WDFY2: variants seen among roughly 807,000 people sequenced by gnomAD.
WDFY2 encodes WD repeat and FYVE domain containing 2, also known as WD repeat and FYVE domain-containing protein 2.
In WDFY2, 36 loss-of-function variants were observed where a neutral mutation model predicts 56.4. The observed-to-expected ratio is 0.64, with a 90% CI of 0.49 to 0.84. The LOEUF (loss-of-function observed/expected upper bound fraction) is 0.84. WDFY2 is among the 40% of genes least tolerant of loss of function. The pLI is 0.00. For synonymous variants in WDFY2, 176 were observed against 183.7 expected, an observed-to-expected ratio of 0.96 and a Z score of 0.34; for missense variants, 444 against 512.2, an observed-to-expected ratio of 0.87 and a Z score of 1.29.
rs1314400498 is a variant in WDFY2, at chr13:51,689,431, CTT to C, written c.280-14163_280-14162del. ...AGAATTTGTAAACCTGAATTTGTCT[CTT>C]TGTAGGTGATATATGGAATCTGGAG... On this transcript the variant is annotated intron_variant, in intron 3 of 11. Coordinates refer to ENST00000298125, the MANE Select transcript of WDFY2 (RefSeq NM_052950.4). Among the ~76,000 whole-genome samples, 4 of 152,132 alleles carry C rather than the reference CTT, an allele frequency of 2.6e-5. No homozygotes were observed. The East Asian group carries it at 7.7e-4, about 29-fold the overall frequency.
chr13:51,585,872 C>G (rs1237131332), intron 1 of WDFY2, among the ~76,000 whole-genome samples: 1 of 152,122 alleles, frequency 6.6e-6, no homozygotes, highest in Non-Finnish European at 1.5e-5. Context: ...TAGTCATTTC[C>G]GCACTTAGCA....
At chr13:51,652,764 C>G (rs1297591791) in intron 1 of WDFY2, among the ~76,000 whole-genome samples, 4 of 152,166 alleles carry the variant, frequency 2.6e-5, no homozygotes, top group African/African-American at 4.8e-5. Context: ...GAGTTTGTGC[C>G]GAGAGATCCG....
intron 4 of WDFY2, among the ~76,000 whole-genome samples, chr13:51,706,689 G>A (rs1593434424): frequency 6.6e-6 from 1 of 152,170 alleles, no homozygotes; most frequent in East Asian, 1.9e-4. Flanking sequence ...ACATAAAGTT[G>A]GTCCTTGGCC....
intron 3 of WDFY2, among the ~76,000 whole-genome samples, chr13:51,700,508 A>T (rs1262476473): frequency 1.3e-5 from 2 of 152,234 alleles, no homozygotes; most frequent in Admixed American, 6.5e-5. Flanking sequence ...CAATTTGGCC[A>T]TGTCTATCAA....
intron 6 of WDFY2, among the ~76,000 whole-genome samples, chr13:51,729,196 C>T (rs1236966340): frequency 6.6e-6 from 1 of 152,084 alleles, no homozygotes; most frequent in East Asian, 1.9e-4. Flanking sequence ...GCTGGGTCTA[C>T]AGTAGTCACG....
At chr13:51,737,799 G>A (rs562830630) in intron 6 of WDFY2, among the ~76,000 whole-genome samples, 7 of 152,232 alleles carry the variant, frequency 4.6e-5, no homozygotes, top group Non-Finnish European at 8.8e-5. Flanking sequence ...GTTGGTGGTC[G>A]GGGGTGAGGG....
At chr13:51,669,531 G>A (rs148131166) in intron 2 of WDFY2, among the ~76,000 whole-genome samples, 94 of 151,950 alleles carry the variant, frequency 6.2e-4, no homozygotes, top group African/African-American at 2.2e-3. Flanking sequence ...ATTTTTTCTA[G>A]TATATTTCTT....
intron 1 of WDFY2, among the ~76,000 whole-genome samples, chr13:51,642,652 C>T (rs997406264): frequency 1.4e-5 from 2 of 146,602 alleles, no homozygotes; most frequent in African/African-American, 5.0e-5. Flanking sequence ...AAACCTGCTT[C>T]GTGACCAGCC....
chr13:51,743,504 C>T (rs73199739), intron 7 of WDFY2, among the ~76,000 whole-genome samples: 16,400 of 152,148 alleles, frequency 0.11, 1,123 homozygotes, highest in Admixed American at 0.2. Flanking sequence ...TGTTAAATGG[C>T]GGTTGTTAAG....
intron 1 of WDFY2, among the ~76,000 whole-genome samples, chr13:51,649,843 A>G (rs1955339066): frequency 6.6e-6 from 1 of 152,172 alleles, no homozygotes. Flanking sequence ...GTTTGAAGTC[A>G]GGTAGCATGA....
chr13:51,684,913 A>G (rs141962826), intron 3 of WDFY2, among the ~76,000 whole-genome samples: 1 of 152,268 alleles, frequency 6.6e-6, no homozygotes, highest in African/African-American at 2.4e-5. Flanking sequence ...CAGATATCCA[A>G]AGTTCTATAC....
At chr13:51,609,201 A>G (rs78366703) in intron 1 of WDFY2, among the ~76,000 whole-genome samples, 14,863 of 152,214 alleles carry the variant, frequency 0.098, 1,004 homozygotes, top group Admixed American at 0.2. Context: ...TCATATAATC[A>G]CCATTCACGT....
chr13:51,687,011 A>G (rs1956072847), intron 3 of WDFY2, among the ~76,000 whole-genome samples: 1 of 151,240 alleles, frequency 6.6e-6, no homozygotes. Flanking sequence ...TTGATGGCCT[A>G]TCTAAATGAA....
chr13:51,623,696 A>G (rs749641342), intron 1 of WDFY2, among the ~76,000 whole-genome samples: 8 of 152,224 alleles, frequency 5.3e-5, no homozygotes, highest in Non-Finnish European at 1.0e-4. Context: ...ACCACGTGTC[A>G]GAATGCACAT....
chr13:51,631,059 C>T (rs991605162), intron 1 of WDFY2, among the ~76,000 whole-genome samples: 11 of 149,450 alleles, frequency 7.4e-5, no homozygotes, highest in Admixed American at 6.6e-5. Context: ...GGATTACAGG[C>T]GTGAGCCACC....
Position 51,724,392 on chromosome 13 carries a change from C to T in WDFY2, c.486-3286C>T, listed in dbSNP as rs920931510. On this transcript the variant is annotated intron_variant, in intron 5 of 11. Coordinates refer to ENST00000298125, the MANE Select transcript of WDFY2 (RefSeq NM_052950.4). Reference sequence around the variant, plus strand: ...AGCTGAAATTACAGGCACTGACCACCGCGCCCAGCTAATTTTTTGTATTTT... The same window carrying T: ...AGCTGAAATTACAGGCACTGACCACTGCGCCCAGCTAATTTTTTGTATTTT... Among the ~76,000 whole-genome samples the T allele has an allele frequency of 5.3e-5, 8 of 151,988 alleles. No homozygotes were observed. The East Asian group carries it at 7.8e-4, about 15-fold the overall frequency.
intron 6 of WDFY2, among the ~76,000 whole-genome samples, chr13:51,734,358 G>A (rs951891249): frequency 6.6e-6 from 1 of 152,282 alleles, no homozygotes; most frequent in African/African-American, 2.4e-5. Flanking sequence ...AAAATTGTAT[G>A]TGTAAAAATA....
At chr13:51,680,062 C>T (rs988214379) in intron 3 of WDFY2, among the ~76,000 whole-genome samples, 10 of 152,052 alleles carry the variant, frequency 6.6e-5, no homozygotes, top group Admixed American at 3.9e-4. Flanking sequence ...GTAGATAGGA[C>T]TGTAAGTGTG....
intron 3 of WDFY2, among the ~76,000 whole-genome samples, chr13:51,700,368 T>G (rs551113650): frequency 6.6e-6 from 1 of 152,230 alleles, no homozygotes. Flanking sequence ...ATCCAAAATA[T>G]TTCAAATGTG....
Sources: gnomAD v4.1 joint callset for allele counts (sites outside exome capture counted in the v4.1 genomes callset) on GRCh38, gnomAD v4.1.1 for gene constraint, MANE v1.5 for transcripts, NCBI Gene and HGNC (gene_info 2026-07-23, HGNC 2026-07-21) for gene names.